TSGA10: variants seen among roughly 807,000 people sequenced by gnomAD.
TSGA10 encodes testis specific 10.
In TSGA10, 43 loss-of-function variants were observed where a neutral mutation model predicts 96.6. That is an observed-to-expected ratio of 0.44 (90% CI 0.35 to 0.57). The LOEUF (loss-of-function observed/expected upper bound fraction) is 0.57, where lower values mean the gene tolerates loss of function less well. Ranked by LOEUF, TSGA10 falls within the 20% of genes least tolerant of loss-of-function variation. The pLI is 0.01. For missense variants in TSGA10, 703 were observed against 834.4 expected, an observed-to-expected ratio of 0.84 and a Z score of 1.94; for synonymous variants, 229 against 269.9, an observed-to-expected ratio of 0.85 and a Z score of 1.48.
At chr2:99,132,865 A>G (rs2093158360) in intron 1 of TSGA10, among the ~76,000 whole-genome samples, 1 of 152,100 alleles carries the variant, frequency 6.6e-6, no homozygotes, top group Non-Finnish European at 1.5e-5. Flanking sequence ...TTATGTACCC[A>G]TTATCATTCA....
At chr2:99,010,854 G>A (rs1226294213) in intron 20 of TSGA10, among the ~76,000 whole-genome samples, 2 of 152,198 alleles carry the variant, frequency 1.3e-5, no homozygotes, top group African/African-American at 2.4e-5. Context: ...GGTAGCTCAC[G>A]GCCTGGGGCA....
chr2:99,044,570 A>G (rs1462027155), intron 16 of TSGA10, among the ~76,000 whole-genome samples: 2 of 152,156 alleles, frequency 1.3e-5, no homozygotes, highest in Non-Finnish European at 1.5e-5. Context: ...TTAGACTCCC[A>G]CACAATAATA....
At chr2:99,002,418 TACAG>T (rs2078016769) in intron 20 of TSGA10, among the ~76,000 whole-genome samples, 1 of 152,194 alleles carries the variant, frequency 6.6e-6, no homozygotes, top group Non-Finnish European at 1.5e-5. Flanking sequence ...TAAAATACTT[TACAG>T]ACAAACAGAT....
chr2:99,003,887 A>T (rs1262824907), intron 20 of TSGA10, among the ~76,000 whole-genome samples: 1 of 152,254 alleles, frequency 6.6e-6, no homozygotes, highest in Admixed American at 6.5e-5. Flanking sequence ...CACAATTAAA[A>T]GAACTATAGA....
chr2:99,111,605 CT>C (rs2091824986), intron 4 of TSGA10, among the ~76,000 whole-genome samples: 1 of 151,956 alleles, frequency 6.6e-6, no homozygotes, highest in African/African-American at 2.4e-5. Flanking sequence ...TTCATTTGTC[CT>C]TTAGACCAAC....
At chr2:99,109,850 C>T (rs1222728566) in intron 5 of TSGA10, among the ~76,000 whole-genome samples, 8 of 152,048 alleles carry the variant, frequency 5.3e-5, no homozygotes, top group African/African-American at 1.9e-4. Context: ...CTAGAAATGG[C>T]ATGGATTTGC....
intron 20 of TSGA10, among the ~76,000 whole-genome samples, chr2:99,015,790 TAA>T (rs1253747312): frequency 6.6e-6 from 1 of 152,106 alleles, no homozygotes; most frequent in Admixed American, 6.5e-5. Flanking sequence ...ATGAATTCAG[TAA>T]AGTTTCAGGA....
At chr2:99,008,141 G>C (rs1343022070) in intron 20 of TSGA10, among the ~76,000 whole-genome samples, 2 of 152,108 alleles carry the variant, frequency 1.3e-5, no homozygotes, top group Non-Finnish European at 2.9e-5. Context: ...TGGGGAGAGA[G>C]AAAGATTTGC....
intron 12 of TSGA10, among the ~76,000 whole-genome samples, chr2:99,073,809 C>T (rs2086265701): frequency 6.6e-6 from 1 of 151,866 alleles, no homozygotes; most frequent in Non-Finnish European, 1.5e-5. Flanking sequence ...TTCCATTGAC[C>T]CTGAACTAGT....
At chr2:99,069,219 A>T (rs1010765945) in intron 14 of TSGA10, among the ~76,000 whole-genome samples, 6 of 152,184 alleles carry the variant, frequency 3.9e-5, no homozygotes, top group Non-Finnish European at 7.3e-5. Context: ...AGACCTGAAA[A>T]AAACTCTACT....
rs377720206 is a variant in TSGA10, at chr2:99,004,520, G to A, written c.2073-6299C>T. On this transcript the variant is annotated intron_variant, in intron 20 of 20. Transcript: ENST00000393483. Reference sequence around the variant, plus strand: ...CAGAGAATACTACAAACACCTCTACGCAAATAAACTAGAAAATCTAGAAGA... The same window carrying A: ...CAGAGAATACTACAAACACCTCTACACAAATAAACTAGAAAATCTAGAAGA... Among the ~76,000 whole-genome samples, 7 of 152,070 alleles carry A rather than the reference G, an allele frequency of 4.6e-5. No individual in the cohort carries two copies. The East Asian group carries it at 9.7e-4, about 21-fold the overall frequency.
intron 20 of TSGA10, among the ~76,000 whole-genome samples, chr2:99,011,731 C>G (rs1254134030): frequency 1.3e-4 from 20 of 152,020 alleles, no homozygotes; most frequent in Admixed American, 1.3e-3. Flanking sequence ...AGCACATGAG[C>G]CACCACATGT....
Position 99,038,679 on chromosome 2 carries a change from A to G in TSGA10, c.1405-3240T>C, listed in dbSNP as rs1379818284. Among the ~76,000 whole-genome samples the G allele has an allele frequency of 2.0e-5, 3 of 152,224 alleles. 1 individual carries two copies. The highest frequency in any genetic ancestry group is 7.2e-5 in the African/African-American group (3 of 41,456). ...AAGCAATTACTACTAGACCTAAAAAATGAGATAGATGGCAACACAATAATA... is the reference window on the plus strand; with the variant it reads ...AAGCAATTACTACTAGACCTAAAAAGTGAGATAGATGGCAACACAATAATA... On this transcript the variant is annotated intron_variant, in intron 16 of 20. Coordinates refer to ENST00000393483, the MANE Select transcript of TSGA10 (RefSeq NM_025244.4).
Position 99,103,643 on chromosome 2 carries a change from A to C in TSGA10, c.611+324T>G, listed in dbSNP as rs562297578. Among the ~76,000 whole-genome samples, 7 of 152,356 alleles carry C rather than the reference A, an allele frequency of 4.6e-5. No individual in the cohort carries two copies. The East Asian group carries it at 1.3e-3, about 29-fold the overall frequency. On this transcript the variant is annotated intron_variant, in intron 10 of 20. Transcript: ENST00000393483. Reference sequence around the variant, plus strand: ...CTGTTCATATCCCCAAACAGAATTTAAAGTTATAAAGGTAAACAATCAAAG... The same window carrying C: ...CTGTTCATATCCCCAAACAGAATTTCAAGTTATAAAGGTAAACAATCAAAG...
At chr2:99,117,158 T>A (rs1458404352) in intron 4 of TSGA10, 1 of 152,222 alleles carries the variant, frequency 6.6e-6, no homozygotes, top group Admixed American at 6.5e-5. Flanking sequence ...ATTTTTAGTT[T>A]GGTAAAAATC....
At chr2:99,034,905 G>C (rs548983014) in intron 17 of TSGA10, among the ~76,000 whole-genome samples, 1 of 152,234 alleles carries the variant, frequency 6.6e-6, no homozygotes, top group South Asian at 2.1e-4. Flanking sequence ...AATAAATTTA[G>C]CTTAAAAGAA....
intron 16 of TSGA10, among the ~76,000 whole-genome samples, chr2:99,045,515 T>C (rs927367603): frequency 6.6e-6 from 1 of 152,146 alleles, no homozygotes. Context: ...ATAAAATGCT[T>C]TAAAGACAAG....
rs1280188661 is a variant in TSGA10, at chr2:99,060,429, GA to G, written c.1404+4509del. 4.6e-5 allele frequency among the ~76,000 whole-genome samples: 7 copies of G among 152,206 alleles called. No individual in the cohort carries two copies. In the South Asian group the frequency reaches 6.2e-4, roughly 14 times the overall value. On this transcript the variant is annotated intron_variant, in intron 16 of 20. Transcript: ENST00000393483. ...TGAAAAGTACAAAACATTGTTGAGAGAAATAAAAGACCTGCCTAAATAAATA... is the reference window on the plus strand; with the variant it reads ...TGAAAAGTACAAAACATTGTTGAGAGAATAAAAGACCTGCCTAAATAAATA...
intron 1 of TSGA10, among the ~76,000 whole-genome samples, chr2:99,145,929 C>T (rs1574761401): frequency 1.3e-5 from 2 of 152,018 alleles, no homozygotes; most frequent in South Asian, 4.2e-4. Flanking sequence ...TACAGGCATT[C>T]GAGACCAGCC....
Sources: allele counts gnomAD v4.1 joint callset (sites outside exome capture counted in the v4.1 genomes callset), GRCh38; gene constraint gnomAD v4.1.1; transcripts MANE v1.5; gene names NCBI Gene and HGNC (gene_info 2026-07-23, HGNC 2026-07-21).